Variants in MAGEC3 observed in about 807,000 individuals in gnomAD.
MAGEC3 encodes melanoma-associated antigen C3.
MAGEC3 carries 34 observed loss-of-function variants against 35.3 expected under a neutral mutation model. The ratio of observed to expected loss-of-function variants is 0.96; its 90% CI spans 0.73 to 1.28. The LOEUF is 1.28. Ranked by LOEUF, MAGEC3 falls within the 50% of genes most tolerant of loss-of-function variation. The pLI is 0.00. For synonymous variants in MAGEC3, 202 were observed against 185.6 expected (o/e 1.09, Z -0.72); for missense variants, 561 against 483.6 (o/e 1.16, Z -1.50).
chrX:141,874,390 A>C (rs1251612922), intron 2 of MAGEC3, among the ~76,000 whole-genome samples: 1 of 112,137 alleles, frequency 8.9e-6, no homozygotes, highest in South Asian at 3.6e-4. Flanking sequence ...AAAATGAAAA[A>C]ATTCTGTTAA....
At chrX:141,896,731 G>C in intron 6 of MAGEC3, 151 bp from the exon 7 acceptor site, 1 of 1,211,805 alleles carries the variant, frequency 8.3e-7, no homozygotes, top group Non-Finnish European at 1.1e-6. Context: ...GGACTTGGTA[G>C]ATGCACAGGA....
In MAGEC3 at chrX:141,897,621, T is replaced by C; in HGVS notation, c.1729-8T>C. On this transcript the variant is annotated splice_polypyrimidine_tract_variant and splice_region_variant and intron_variant, in intron 7 of 7. Transcript: ENST00000298296. ...CTCCACGTTATGAATTTTTGTGGGG[T>C]CCAAGAGCCCATTCAGAGGCCAGCA... is the stretch of plus-strand genomic sequence containing the variant. 8.3e-7 allele frequency: 1 copy of C among 1,205,067 alleles called. No individual in the cohort carries two copies. The highest frequency in any genetic ancestry group is 1.1e-6 in the Non-Finnish European group (1 of 892,585).
chrX:141,850,416 G>A lies in MAGEC3; in HGVS notation c.123+11978G>A, dbSNP rs141524286. 3.7e-3 allele frequency among the ~76,000 whole-genome samples: 414 copies of A among 111,574 alleles called. 2 individuals carry two copies. The highest frequency in any genetic ancestry group is 0.014 in the Middle Eastern group (3 of 215). ...AAAAGGTTCACTTGAATGTGGAGGTGTACGTTCAAAATCTGCCAGATAGGC... is the reference window on the plus strand; with the variant it reads ...AAAAGGTTCACTTGAATGTGGAGGTATACGTTCAAAATCTGCCAGATAGGC... On this transcript the variant is annotated intron_variant, in intron 1 of 7. Transcript: ENST00000298296.
intron 2 of MAGEC3, among the ~76,000 whole-genome samples, chrX:141,873,244 A>G (rs180749369): frequency 3.5e-3 from 383 of 110,833 alleles, no homozygotes; most frequent in African/African-American, 0.012. Flanking sequence ...ACAGTTTTGT[A>G]TCTGTTCCCA....
At chrX:141,859,317 G>C (rs1458047159) in intron 1 of MAGEC3, among the ~76,000 whole-genome samples, 1 of 111,058 alleles carries the variant, frequency 9.0e-6, no homozygotes, top group African/African-American at 3.3e-5. Context: ...TTATTTAATT[G>C]TTTGATGAGT....
At chrX:141,864,645 G>A (rs910391745) in intron 1 of MAGEC3, among the ~76,000 whole-genome samples, 1 of 111,241 alleles carries the variant, frequency 9.0e-6, no homozygotes, top group African/African-American at 3.3e-5. Context: ...ATGGCAGGAG[G>A]GAGAGGATCA....
intron 1 of MAGEC3, among the ~76,000 whole-genome samples, chrX:141,846,610 C>T (rs1453771750): frequency 9.0e-6 from 1 of 110,835 alleles, no homozygotes; most frequent in Non-Finnish European, 1.9e-5. Context: ...TCAAGTCCCC[C>T]CAAGATGGTA....
chrX:141,888,133 AC>A (rs1291579858), intron 4 of MAGEC3, among the ~76,000 whole-genome samples: 1 of 111,651 alleles, frequency 9.0e-6, no homozygotes. Context: ...CAGGGTCTCC[AC>A]CCCTGCCACC....
rs1232585594 is a variant in MAGEC3, at chrX:141,869,175, C to T, written c.258+3570C>T. ...CTGGGATTACAGGCGTGAGCCACCG[C>T]GCCCGGCCAGTTCTTTGATTTTTTA... is the stretch of plus-strand genomic sequence containing the variant. On this transcript the variant is annotated intron_variant, in intron 2 of 7. Coordinates refer to ENST00000298296, the MANE Select transcript of MAGEC3 (RefSeq NM_138702.1). Among the ~76,000 whole-genome samples the T allele has an allele frequency of 2.7e-5, 3 of 111,213 alleles. No homozygotes were observed. The Admixed American group carries it at 2.9e-4, about 11-fold the overall frequency.
chrX:141,881,107 T>C (rs1300190131), intron 3 of MAGEC3, among the ~76,000 whole-genome samples: 1 of 111,660 alleles, frequency 9.0e-6, no homozygotes, highest in Non-Finnish European at 1.9e-5. Flanking sequence ...CTCCATTTCC[T>C]CTTCCTCTTT....
chrX:141,895,113 T>A (rs868756386), intron 4 of MAGEC3, among the ~76,000 whole-genome samples, 156 bp from the exon 5 acceptor site: 1 of 9,359 alleles, frequency 1.1e-4, no homozygotes, highest in Non-Finnish European at 2.0e-4. Context: ...TGGGAGGGGG[T>A]AGGGAGGTGG....
intron 2 of MAGEC3, among the ~76,000 whole-genome samples, chrX:141,867,345 C>T (rs1343963563): frequency 9.0e-6 from 1 of 111,428 alleles, no homozygotes; most frequent in Non-Finnish European, 1.9e-5. Context: ...CCTTCAGGTG[C>T]ACTAAGAGAA....
chrX:141,868,190 T>C (rs1346429697), intron 2 of MAGEC3, among the ~76,000 whole-genome samples: 1 of 111,573 alleles, frequency 9.0e-6, no homozygotes, highest in African/African-American at 3.3e-5. Context: ...TTGAGTAAAA[T>C]GGGTAATTTT....
At chrX:141,861,169 C>T (rs970695312) in intron 1 of MAGEC3, among the ~76,000 whole-genome samples, 14 of 110,111 alleles carry the variant, frequency 1.3e-4, no homozygotes, top group South Asian at 3.9e-4. Flanking sequence ...TAAGGCCATC[C>T]GAGGACGCTA....
intron 4 of MAGEC3, among the ~76,000 whole-genome samples, chrX:141,893,327 C>T (rs2018056841): frequency 9.0e-6 from 1 of 111,548 alleles, no homozygotes; most frequent in Admixed American, 9.5e-5. Flanking sequence ...TGATTCCAAT[C>T]ATACAATATT....
At chrX:141,895,172 C>T in intron 4 of MAGEC3, 97 bp from the exon 5 acceptor site, 5 of 952,960 alleles carry the variant, frequency 5.2e-6, no homozygotes, top group South Asian at 2.2e-5. Context: ...AAGTGGAGTG[C>T]GGGGAAGTGG....
At chrX:141,859,303 C>G (rs1225521952) in intron 1 of MAGEC3, among the ~76,000 whole-genome samples, 1 of 111,253 alleles carries the variant, frequency 9.0e-6, no homozygotes, top group Non-Finnish European at 1.9e-5. Context: ...GCTGTCATTA[C>G]TGATTATTTA....
chrX:141,895,658 C>T (rs893846704), intron 6 of MAGEC3, 99 bp downstream of exon 6: 7 of 745,373 alleles, frequency 9.4e-6, no homozygotes, highest in Admixed American at 4.4e-5. Flanking sequence ...CCCTGCTCCT[C>T]ATATCAGCCC....
intron 1 of MAGEC3, among the ~76,000 whole-genome samples, chrX:141,863,921 T>C (rs748606514): frequency 9.0e-6 from 1 of 111,631 alleles, no homozygotes; most frequent in Non-Finnish European, 1.9e-5. Flanking sequence ...ATCTGATTTA[T>C]AGACATTCCA....
Sources: allele counts gnomAD v4.1 joint callset (sites outside exome capture counted in the v4.1 genomes callset), GRCh38; gene constraint gnomAD v4.1.1; transcripts MANE v1.5; gene names NCBI Gene and HGNC (gene_info 2026-07-23, HGNC 2026-07-21).